The following ELP3 variants were observed in gnomAD, a reference collection of about 807,000 sequenced individuals.
ELP3 encodes elongator acetyltransferase complex subunit 3.
Under a neutral mutation model 74.9 loss-of-function variants are expected in ELP3, and 56 were observed. The observed-to-expected ratio is 0.75, with a 90% CI of 0.60 to 0.93. The LOEUF (loss-of-function observed/expected upper bound fraction) is 0.93, where lower values mean the gene tolerates loss of function less well. Among genes scored for constraint, ELP3 ranks in the 40% least tolerant of loss-of-function variants. The pLI is 0.00. For synonymous variants in ELP3, 222 were observed against 239.8 expected, an observed-to-expected ratio of 0.93 and a Z score of 0.68; for missense variants, 573 against 686.5, an observed-to-expected ratio of 0.83 and a Z score of 1.85.
intron 10 of ELP3, among the ~76,000 whole-genome samples, chr8:28,142,877 C>T (rs1441830544): frequency 1.3e-5 from 2 of 151,446 alleles, no homozygotes; most frequent in East Asian, 1.9e-4. Flanking sequence ...TTTTTTTTAA[C>T]GTACCTTACT....
intron 9 of ELP3, 99 bp from the exon 10 acceptor site, chr8:28,137,599 C>A: frequency 8.4e-7 from 1 of 1,190,574 alleles, no homozygotes; most frequent in South Asian, 1.3e-5. Context: ...GCCCCAGGGC[C>A]TACTGGGTGT....
intron 14 of ELP3, among the ~76,000 whole-genome samples, chr8:28,182,759 C>T (rs1815068086): frequency 6.6e-6 from 1 of 152,216 alleles, no homozygotes; most frequent in Admixed American, 6.5e-5. Flanking sequence ...CCCCCTTTCC[C>T]GAATCCTTTG....
intron 8 of ELP3, among the ~76,000 whole-genome samples, chr8:28,130,406 A>G (rs1812744239): frequency 6.6e-6 from 1 of 152,168 alleles, no homozygotes; most frequent in Admixed American, 6.5e-5. Flanking sequence ...TGCCAGGAGA[A>G]GGAAGCAAAG....
At chr8:28,124,743 T>C (rs1292621132) in intron 7 of ELP3, among the ~76,000 whole-genome samples, 2 of 152,192 alleles carry the variant, frequency 1.3e-5, no homozygotes, top group Non-Finnish European at 2.9e-5. Flanking sequence ...AAGCTGTTTT[T>C]ATATATCTTA....
intron 5 of ELP3, 23 bp downstream of exon 5, chr8:28,107,999 CT>C (rs1811764502): frequency 2.5e-6 from 4 of 1,593,946 alleles, no homozygotes; most frequent in Non-Finnish European, 2.6e-6. Flanking sequence ...TGAGGCTGTC[CT>C]GATGAAATGT....
At chr8:28,176,113 G>A (rs1361189660) in intron 14 of ELP3, among the ~76,000 whole-genome samples, 5 of 151,984 alleles carry the variant, frequency 3.3e-5, no homozygotes, top group African/African-American at 7.3e-5. Context: ...CACTGCACCC[G>A]GCCCTGTCTA....
chr8:28,155,285 G>T (rs1370886831), intron 10 of ELP3, among the ~76,000 whole-genome samples: 1 of 152,168 alleles, frequency 6.6e-6, no homozygotes. Context: ...AGAGGAGAGT[G>T]TTGGAGCAAC....
upstream of ELP3, among the ~76,000 whole-genome samples, chr8:28,090,786 T>C (rs1585617737): frequency 6.6e-6 from 1 of 152,022 alleles, no homozygotes; most frequent in East Asian, 1.9e-4. Context: ...TCTATAGACC[T>C]GAAATGAACA....
intron 14 of ELP3, among the ~76,000 whole-genome samples, chr8:28,168,626 C>CTTTTTTTTTTT (rs35494398): frequency 6.6e-6 from 1 of 152,156 alleles, no homozygotes; most frequent in Admixed American, 6.5e-5. Flanking sequence ...ACTTCACAGG[C>CTTTTTTTTTTT]TTTTTTCTGA....
intron 14 of ELP3, among the ~76,000 whole-genome samples, chr8:28,183,723 C>T (rs919585971): frequency 6.6e-6 from 1 of 152,216 alleles, no homozygotes; most frequent in South Asian, 2.1e-4. Context: ...GGACTCTCCC[C>T]ACTCCTGCCG....
Position 28,189,843 on chromosome 8 carries a change from C to T in ELP3, c.*118C>T. The stretch of plus-strand genomic sequence containing the variant: ...GCAAATGGGGGGCTTCACCCTCATC[C>T]CGCAGCTGCAGAGACTGGAAACTGC... On this transcript the variant is annotated 3_prime_UTR_variant, in exon 15 of 15. Transcript: ENST00000256398. The T allele has an allele frequency of 2.7e-6, 3 of 1,115,450 alleles. No individual in the cohort carries two copies. In the South Asian group the frequency reaches 4.2e-5, roughly 16 times the overall value. The allele number at this position is 1,115,450 out of a possible 1,614,324, so 69.1% of individuals were successfully genotyped here. A position where few individuals can be genotyped will look rare whatever the true frequency, so the allele number is the denominator to read the frequency against.
chr8:28,122,057 A>G (rs1487467056), intron 7 of ELP3, among the ~76,000 whole-genome samples: 1 of 152,228 alleles, frequency 6.6e-6, no homozygotes, highest in East Asian at 1.9e-4. Context: ...CTCTGCATCT[A>G]TTTAAATGGT....
intron 7 of ELP3, among the ~76,000 whole-genome samples, chr8:28,114,780 C>T (rs137940549): frequency 6.6e-5 from 10 of 152,284 alleles, no homozygotes; most frequent in African/African-American, 2.2e-4. Flanking sequence ...GGCCAAGATA[C>T]ATGCTTTTAA....
chr8:28,154,343 A>G (rs923386680), intron 10 of ELP3, among the ~76,000 whole-genome samples: 4 of 152,232 alleles, frequency 2.6e-5, no homozygotes, highest in Admixed American at 2.0e-4. Flanking sequence ...TATTCACAAC[A>G]GCACAACTAT....
At chr8:28,113,299 T>C (rs1811993636) in intron 7 of ELP3, 126 bp downstream of exon 7, 1 of 646,278 alleles carries the variant, frequency 1.5e-6, no homozygotes, top group African/African-American at 1.9e-5. Context: ...TCTTGTTTCA[T>C]GGGAAAGGAT....
chr8:28,186,156 C>CG (rs1563295364), intron 14 of ELP3, among the ~76,000 whole-genome samples: 11 of 151,994 alleles, frequency 7.2e-5, no homozygotes. Context: ...GAAAGTAGAA[C>CG]GGGGGTTGTC....
chr8:28,119,350 G>A (rs1013941896), intron 7 of ELP3, among the ~76,000 whole-genome samples: 3 of 151,662 alleles, frequency 2.0e-5, no homozygotes, highest in African/African-American at 4.8e-5. Flanking sequence ...TAGATTCTAC[G>A]ATACTTGCTT....
chr8:28,092,984 G>A (rs573928276), upstream of ELP3: 75 of 673,928 alleles, frequency 1.1e-4, 1 homozygote, highest in South Asian at 9.4e-4. Flanking sequence ...CCATCCCTGA[G>A]ACCCGGGGCA....
intron 2 of ELP3, among the ~76,000 whole-genome samples, chr8:28,098,987 G>A (rs1811365198): frequency 6.6e-6 from 1 of 152,176 alleles, no homozygotes; most frequent in South Asian, 2.1e-4. Context: ...TTCTTGGTAC[G>A]CCTGTCTGCA....
Sources: gnomAD v4.1 joint callset for allele counts (sites outside exome capture counted in the v4.1 genomes callset) on GRCh38, gnomAD v4.1.1 for gene constraint, MANE v1.5 for transcripts, NCBI Gene and HGNC (gene_info 2026-07-23, HGNC 2026-07-21) for gene names.